The following DIAPH1 variants were observed in gnomAD, a reference collection of about 807,000 sequenced individuals.
DIAPH1 encodes diaphanous related formin 1.
DIAPH1 carries 46 observed loss-of-function variants against 140.7 expected under a neutral mutation model. The ratio of observed to expected loss-of-function variants is 0.33; its 90% confidence interval spans 0.26 to 0.42. The LOEUF (loss-of-function observed/expected upper bound fraction) is 0.42, where lower values mean the gene tolerates loss of function less well. Ranked by LOEUF, DIAPH1 falls within the 10% of genes least tolerant of loss-of-function variation. The pLI, the probability that DIAPH1 is intolerant of heterozygous loss-of-function variation, is 1.00. For synonymous variants in DIAPH1, 565 were observed against 551.6 expected (o/e 1.02, Z -0.34); for missense variants, 1,310 against 1,558.7 (o/e 0.84, Z 2.69).
chr5:141,516,649 C>T lies in DIAPH1; in HGVS notation c.*202G>A, dbSNP rs1050428994. The T allele has an allele frequency of 3.1e-6, 2 of 652,194 alleles. No individual in the cohort carries two copies. The highest frequency in any genetic ancestry group is 2.7e-6 in the Non-Finnish European group (1 of 369,396). 40.4% of individuals were successfully genotyped at this position (652,194 alleles called of 1,614,324 possible). A position where few individuals can be genotyped will look rare whatever the true frequency, so the allele number is the denominator to read the frequency against. Reference sequence around the variant, plus strand: ...TGGCTAAGTCGGGCTCAGGCCTCCCCTGCACTGCCCTTTCCTTCTGGCCTC... The same window carrying T: ...TGGCTAAGTCGGGCTCAGGCCTCCCTTGCACTGCCCTTTCCTTCTGGCCTC... On this transcript the variant is annotated 3_prime_UTR_variant, in exon 28 of 28. Coordinates refer to ENST00000389054, the MANE Select transcript of DIAPH1 (RefSeq NM_005219.5).
chr5:141,583,418 T>G, intron 5 of DIAPH1, 67 bp downstream of exon 5: 2 of 1,612,878 alleles, frequency 1.2e-6, no homozygotes, highest in Admixed American at 1.7e-5. Flanking sequence ...GCTCCTTTGA[T>G]CTTCAATCAC....
chr5:141,589,702 A>G (rs1357143387), intron 1 of DIAPH1, among the ~76,000 whole-genome samples: 2 of 151,946 alleles, frequency 1.3e-5, no homozygotes, highest in East Asian at 3.9e-4. Context: ...GGTGTTTATG[A>G]TATTCTGTAT....
At chr5:141,604,411 T>C (rs890881197) in intron 1 of DIAPH1, among the ~76,000 whole-genome samples, 2 of 152,218 alleles carry the variant, frequency 1.3e-5, no homozygotes, top group Non-Finnish European at 2.9e-5. Context: ...TAGAGAAGAC[T>C]ATGATCACTC....
intron 18 of DIAPH1, among the ~76,000 whole-genome samples, chr5:141,545,989 T>C (rs1226475228): frequency 1.3e-5 from 2 of 152,200 alleles, no homozygotes; most frequent in African/African-American, 4.8e-5. Context: ...AAATTCTAGA[T>C]ACATTAAAAA....
intron 18 of DIAPH1, among the ~76,000 whole-genome samples, chr5:141,545,835 T>C (rs962461684): frequency 2.2e-4 from 33 of 152,178 alleles, no homozygotes; most frequent in African/African-American, 7.7e-4. Context: ...GACAATAGAA[T>C]GGCTGTGTTC....
At chr5:141,554,171 G>A (rs1322445058) in intron 18 of DIAPH1, among the ~76,000 whole-genome samples, 1 of 152,026 alleles carries the variant, frequency 6.6e-6, no homozygotes, top group Non-Finnish European at 1.5e-5. Context: ...CAGCTACTCG[G>A]GAGGCTGAGG....
Position 141,582,390 on chromosome 5 carries a change from C to T in DIAPH1, c.621-15G>A, listed in dbSNP as rs762200775. 1 of 1,596,766 alleles carries T rather than the reference C, an allele frequency of 6.3e-7. No individual in the cohort carries two copies. The highest frequency in any genetic ancestry group is 1.7e-5 in the Admixed American group (1 of 59,986). Reference sequence around the variant, plus strand: ...TATCGTAACTCCTGTATATAGAAGACATAATCAGTGAGGTCCCTTTATTCT... The same window carrying T: ...TATCGTAACTCCTGTATATAGAAGATATAATCAGTGAGGTCCCTTTATTCT... On this transcript the variant is annotated splice_polypyrimidine_tract_variant and intron_variant, in intron 6 of 27. Coordinates refer to ENST00000389054, the MANE Select transcript of DIAPH1 (RefSeq NM_005219.5).
At chr5:141,534,884 C>G (rs2099888773) in intron 18 of DIAPH1, among the ~76,000 whole-genome samples, 2 of 152,168 alleles carry the variant, frequency 1.3e-5, no homozygotes, top group African/African-American at 4.8e-5. Context: ...TCAGCAGTCC[C>G]CTTCCACCAT....
Position 141,588,266 on chromosome 5 carries a change from A to C in DIAPH1, c.118-16T>G. On this transcript the variant is annotated splice_polypyrimidine_tract_variant and intron_variant, in intron 1 of 27. Coordinates refer to ENST00000389054, the MANE Select transcript of DIAPH1 (RefSeq NM_005219.5). Reference sequence around the variant, plus strand: ...GCTTCAGAGTCTAGGAAACAGGAAAAAGGAGGGAGAAGAAAGAAGAGAAAT... The same window carrying C: ...GCTTCAGAGTCTAGGAAACAGGAAACAGGAGGGAGAAGAAAGAAGAGAAAT... 1.2e-6 allele frequency: 2 copies of C among 1,605,678 alleles called. No individual in the cohort carries two copies. The highest frequency in any genetic ancestry group is 1.7e-6 in the Non-Finnish European group (2 of 1,172,602).
At chr5:141,602,360 C>T (rs541310301) in intron 1 of DIAPH1, among the ~76,000 whole-genome samples, 3 of 152,306 alleles carry the variant, frequency 2.0e-5, no homozygotes, top group East Asian at 1.9e-4. Context: ...GAACTACAGG[C>T]GCCCATCACC....
chr5:141,557,090 G>T (rs2099892720), intron 18 of DIAPH1, among the ~76,000 whole-genome samples: 1 of 152,096 alleles, frequency 6.6e-6, no homozygotes, highest in Non-Finnish European at 1.5e-5. Flanking sequence ...TCAACCAACT[G>T]CAATGTGTAG....
chr5:141,555,994 C>T (rs2099892511), intron 18 of DIAPH1, among the ~76,000 whole-genome samples: 1 of 152,184 alleles, frequency 6.6e-6, no homozygotes, highest in Admixed American at 6.5e-5. Flanking sequence ...ATCACCTGTG[C>T]CCTTCCCTTG....
Position 141,516,936 on chromosome 5 carries a change from G to A in DIAPH1, c.3734C>T (p.Ala1245Val), listed in dbSNP as rs2099885778. 3 of 1,614,254 alleles carry A rather than the reference G, an allele frequency of 1.9e-6. No individual in the cohort carries two copies. The highest frequency in any genetic ancestry group is 2.5e-6 in the Non-Finnish European group (3 of 1,180,046). The part of the protein sequence containing the change: ...SELTKDDAMA[A>V]VPAKVSKNSE... ...GTTCTTGGACACCTTGGCAGGAACA[G>A]CAGCCATGGCATCATCCTTGGTCAG... is the stretch of plus-strand genomic sequence containing the variant. The change falls in exon 28 of 28, where the codon GCT (alanine) becomes GTT (valine). Residue 1245 changes from alanine to valine, a missense_variant. Physicochemically the swap from Ala to Val is moderately conservative, Grantham distance 64. Around this residue, in one of 3 missense-constraint regions of DIAPH1, gnomAD observed 344 missense variants for 512.2 expected, o/e 0.67. Transcript: ENST00000389054.
rs1227214423 is a variant in DIAPH1, at chr5:141,565,004, A to AT, written c.2482+6423dup. 6.6e-6 allele frequency: 1 copy of AT among 152,178 alleles called. No homozygotes were observed. The highest frequency in any genetic ancestry group is 1.5e-5 in the Non-Finnish European group (1 of 68,016). The allele number at this position is 152,178 out of a possible 1,614,324, so 9.4% of individuals were successfully genotyped here. ...TATACCTAGCAACTTGGGCCCACAG[A>AT]TTTTATTTTTAAGAATTTACTGTGC... On this transcript the variant is annotated intron_variant, in intron 18 of 27. Transcript: ENST00000389054. This position sits in a 1 kb window ranked among gnomAD's most constrained non-coding sequence, Gnocchi z 4.3.
chr5:141,528,935 TGCCCATCTAGTAAAGAACACAA>T lies in DIAPH1; in HGVS notation c.2779-16_2784del. On this transcript the variant is annotated splice_acceptor_variant and splice_polypyrimidine_tract_variant and coding_sequence_variant and intron_variant, in exon 22 of 28. Transcript: ENST00000389054. LOFTEE classifies it high-confidence loss of function. ...AGGCGAGGCCGCAGTCGGGGCACAG[TGCCCATCTAGTAAAGAACACAA>T]GCAGTTCCATTACAGTCAAAAGAGG... is the stretch of plus-strand genomic sequence containing the variant. The T allele has an allele frequency of 1.2e-6, 2 of 1,613,754 alleles. No individual in the cohort carries two copies. The highest frequency in any genetic ancestry group is 1.7e-6 in the Non-Finnish European group (2 of 1,180,032).
At chr5:141,537,169 CAAA>C (rs1294818612) in intron 18 of DIAPH1, among the ~76,000 whole-genome samples, 1 of 151,524 alleles carries the variant, frequency 6.6e-6, no homozygotes, top group East Asian at 1.9e-4. Flanking sequence ...CCCTAGTCTC[CAAA>C]AAACGAAAAT....
At chr5:141,569,345 T>C (rs1280103558) in intron 18 of DIAPH1, among the ~76,000 whole-genome samples, 2 of 152,236 alleles carry the variant, frequency 1.3e-5, no homozygotes, top group African/African-American at 4.8e-5. Context: ...AGTAGTTATC[T>C]ATCATTTAAT....
intron 1 of DIAPH1, among the ~76,000 whole-genome samples, chr5:141,611,208 T>C (rs867733929): frequency 4.6e-4 from 70 of 152,310 alleles, no homozygotes; most frequent in Middle Eastern, 6.8e-3. Context: ...ATTGTGCCAC[T>C]GCACTCCAGA....
intron 18 of DIAPH1, among the ~76,000 whole-genome samples, chr5:141,538,313 G>A (rs762421860): frequency 1.3e-5 from 2 of 151,488 alleles, no homozygotes; most frequent in Non-Finnish European, 2.9e-5. Flanking sequence ...GCCCGCCTCG[G>A]CCTCCCAAAG....
Sources: allele counts gnomAD v4.1 joint callset (sites outside exome capture counted in the v4.1 genomes callset), GRCh38; gene constraint gnomAD v4.1.1; regional missense constraint gnomAD v4.1.1; non-coding constraint Gnocchi (gnomAD v3.1); transcripts MANE v1.5; gene names NCBI Gene and HGNC (gene_info 2026-07-23, HGNC 2026-07-21).